The following AQR variants were observed in gnomAD, a reference collection of about 807,000 sequenced individuals.
The protein encoded by AQR is RNA helicase aquarius.
AQR carries 61 observed loss-of-function variants against 180.5 expected under a neutral mutation model. That is an observed-to-expected ratio of 0.34 (90% CI 0.28 to 0.42). The LOEUF is 0.42. Among genes scored for constraint, AQR ranks in the 10% least tolerant of loss-of-function variants. The pLI, the probability that AQR is intolerant of heterozygous loss-of-function variation, is 1.00. For synonymous variants in AQR, 551 were observed against 588.8 expected (o/e 0.94, Z 0.93); for missense variants, 1,281 against 1,798.3 (o/e 0.71, Z 5.20).
At chr15:34,871,374 G>A (rs1047556326) in intron 30 of AQR, among the ~76,000 whole-genome samples, 1 of 151,988 alleles carries the variant, frequency 6.6e-6, no homozygotes, top group Non-Finnish European at 1.5e-5. Flanking sequence ...GGGCATGGTG[G>A]TGCATGCCTA....
chr15:34,930,185 C>T lies in AQR; in HGVS notation c.1014+73G>A, dbSNP rs538402590. Reference sequence around the variant, plus strand: ...AAATTAACATGGTTTTCAATCTGTACCTATACAAAACCTAAATTGCAGTAT... The same window carrying T: ...AAATTAACATGGTTTTCAATCTGTATCTATACAAAACCTAAATTGCAGTAT... On this transcript the variant is annotated intron_variant, in intron 12 of 34. Transcript: ENST00000156471. 1.8e-4 allele frequency: 147 copies of T among 839,298 alleles called. 1 individual carries two copies. In the Middle Eastern group the frequency reaches 4.4e-3, roughly 25 times the overall value. 52.0% of individuals were successfully genotyped at this position (839,298 alleles called of 1,614,324 possible).
intron 16 of AQR, among the ~76,000 whole-genome samples, chr15:34,910,710 A>T (rs1243009913): frequency 6.6e-6 from 1 of 152,228 alleles, no homozygotes; most frequent in African/African-American, 2.4e-5. Context: ...GACAAATAAA[A>T]ATTGTATATA....
At position 34,870,789 on chromosome 15, in the gene AQR, C is replaced by T. The variant is rs1892805700; in HGVS notation, c.3731G>A (p.Arg1244Gln). The T allele has an allele frequency of 1.9e-6, 3 of 1,612,490 alleles. No homozygotes were observed. Among genetic ancestry groups the T allele is most frequent in the South Asian group, 1.1e-5 (1 of 90,910 alleles). Residue 1244 changes from arginine to glutamine, a missense_variant, in exon 31 of 35, where the codon CGA becomes CAA. By Grantham distance (43) the Arg-to-Gln change is conservative. Transcript: ENST00000156471. Reference sequence around the variant, plus strand: ...TCCAATCAATGGATTGTTTCCACATCGTCTATTGATGATGTCGCGAATAAG... The same window carrying T: ...TCCAATCAATGGATTGTTTCCACATTGTCTATTGATGATGTCGCGAATAAG... ...KHLIRDIINR[R>Q]CGNNPLIGRP...
chr15:34,927,616 G>A (rs1003811982), intron 12 of AQR, among the ~76,000 whole-genome samples: 10 of 152,328 alleles, frequency 6.6e-5, no homozygotes, highest in African/African-American at 2.4e-4. Context: ...AACCAACATA[G>A]GGTAAGCTGT....
At chr15:34,883,629 T>C (rs1595785714) in intron 26 of AQR, among the ~76,000 whole-genome samples, 1 of 152,162 alleles carries the variant, frequency 6.6e-6, no homozygotes, top group East Asian at 1.9e-4. Context: ...ATCTAAAAGA[T>C]ACAAAGACAA....
At chr15:34,939,204 G>A (rs961519834) in intron 8 of AQR, among the ~76,000 whole-genome samples, 4 of 152,164 alleles carry the variant, frequency 2.6e-5, no homozygotes, top group African/African-American at 9.7e-5. Flanking sequence ...GAGTAGCTGG[G>A]ATGACAGGCG....
intron 1 of AQR, among the ~76,000 whole-genome samples, chr15:34,968,297 G>A (rs1340597236): frequency 2.0e-5 from 3 of 151,318 alleles, no homozygotes; most frequent in Admixed American, 2.0e-4. Context: ...CTGTTGCCCA[G>A]GCTGGAGTGC....
At chr15:34,883,666 T>C (rs1194303366) in intron 26 of AQR, among the ~76,000 whole-genome samples, 1 of 152,214 alleles carries the variant, frequency 6.6e-6, no homozygotes. Context: ...CCTTTCTACC[T>C]GAAAGTGTAA....
At chr15:34,952,954 T>TA (rs777457217) in intron 3 of AQR, 34 bp from the exon 4 acceptor site, 1 of 1,242,698 alleles carries the variant, frequency 8.0e-7, no homozygotes. Flanking sequence ...ATGTTTAAAA[T>TA]AGAGAATACA....
At chr15:34,899,803 G>T in intron 20 of AQR, among the ~76,000 whole-genome samples, 1 of 151,930 alleles carries the variant, frequency 6.6e-6, no homozygotes, top group Non-Finnish European at 1.5e-5. Context: ...AGGAATTCAG[G>T]GAATAACAAC....
chr15:34,956,449 G>A (rs762148836), intron 3 of AQR, among the ~76,000 whole-genome samples: 2 of 151,980 alleles, frequency 1.3e-5, no homozygotes, highest in Non-Finnish European at 2.9e-5. Context: ...TCAGGAGTTC[G>A]AGACTAGCCT....
intron 31 of AQR, chr15:34,869,255 C>T (rs1892780979): frequency 6.6e-6 from 1 of 152,126 alleles, no homozygotes; most frequent in Non-Finnish European, 1.5e-5. Flanking sequence ...ATTTCCTTGA[C>T]AACTAATGAT....
At chr15:34,917,873 A>G (rs1461176825) in intron 15 of AQR, among the ~76,000 whole-genome samples, 1 of 150,104 alleles carries the variant, frequency 6.7e-6, no homozygotes, top group Non-Finnish European at 1.5e-5. Flanking sequence ...GGTCCCAGGT[A>G]CTCGGGAGGC....
chr15:34,904,522 A>G lies in AQR; in HGVS notation c.1832-17T>C. The G allele has an allele frequency of 6.3e-7, 1 of 1,580,872 alleles. No homozygotes were observed. The highest frequency in any genetic ancestry group is 8.6e-7 in the Non-Finnish European group (1 of 1,168,190). On this transcript the variant is annotated splice_polypyrimidine_tract_variant and intron_variant, in intron 18 of 34. Coordinates refer to ENST00000156471, the MANE Select transcript of AQR (RefSeq NM_014691.3). Reference sequence around the variant, plus strand: ...GTTCAGGTCCTGGACAATTTGAAAAAGTTTGTTAAATAAAATATGTATTTT... The same window carrying G: ...GTTCAGGTCCTGGACAATTTGAAAAGGTTTGTTAAATAAAATATGTATTTT...
Position 34,930,333 on chromosome 15 carries a change from A to G in AQR, c.939T>C (p.Ile313=), listed in dbSNP as rs149614774. ...TCAGAGCATTTCCAGTTTGGTCATT[A>G]ATTTCAAAACCAGTATAGAATTTAA... ...DMLKFYTGFE[I]NDQTGNALTE... The change falls in exon 12 of 35, where the codon ATT becomes ATC. Residue 313 remains isoleucine (I), a synonymous_variant. Coordinates refer to ENST00000156471, the MANE Select transcript of AQR (RefSeq NM_014691.3). 3.3e-4 allele frequency: 533 copies of G among 1,610,780 alleles called. 7 individuals carry two copies. In the East Asian group the frequency reaches 0.012, roughly 36 times the overall value.
At chr15:34,928,619 TAATAC>T (rs1287941423) in intron 12 of AQR, among the ~76,000 whole-genome samples, 1 of 152,214 alleles carries the variant, frequency 6.6e-6, no homozygotes, top group Non-Finnish European at 1.5e-5. Context: ...TCCATGTCTT[TAATAC>T]TATAAATAGT....
At chr15:34,946,952 C>G (rs889985499) in intron 5 of AQR, among the ~76,000 whole-genome samples, 11 of 151,818 alleles carry the variant, frequency 7.2e-5, no homozygotes, top group Non-Finnish European at 1.6e-4. Context: ...TCTGCCCGGC[C>G]GCGCCTACTG....
chr15:34,917,574 T>C (rs1893613854), intron 15 of AQR, among the ~76,000 whole-genome samples: 1 of 152,070 alleles, frequency 6.6e-6, no homozygotes, highest in Non-Finnish European at 1.5e-5. Flanking sequence ...CTGCTTTACA[T>C]AGAATTCAAA....
At chr15:34,928,106 A>G (rs1403466128) in intron 12 of AQR, among the ~76,000 whole-genome samples, 1 of 152,194 alleles carries the variant, frequency 6.6e-6, no homozygotes, top group African/African-American at 2.4e-5. Flanking sequence ...AAAAAGCAGG[A>G]AAAGACATCT....
Sources: allele counts gnomAD v4.1 joint callset (sites outside exome capture counted in the v4.1 genomes callset), GRCh38; gene constraint gnomAD v4.1.1; transcripts MANE v1.5; gene names NCBI Gene and HGNC (gene_info 2026-07-23, HGNC 2026-07-21).